The following CLTC variants were observed in gnomAD, a reference collection of about 807,000 sequenced individuals.
CLTC encodes the protein clathrin heavy chain.
Under a neutral mutation model 195.8 loss-of-function variants are expected in CLTC, and 16 were observed. The observed-to-expected ratio is 0.08, with a 90% confidence interval of 0.06 to 0.12. CLTC has a LOEUF of 0.12. Among genes scored for constraint, CLTC ranks in the 10% least tolerant of loss-of-function variants. The pLI is 1.00. For synonymous variants in CLTC, 667 were observed against 689.4 expected (o/e 0.97, Z 0.51); for missense variants, 796 against 2,027.0 (o/e 0.39, Z 11.66).
chr17:59,634,919 C>G (rs983241089), intron 1 of CLTC, among the ~76,000 whole-genome samples: 2 of 152,048 alleles, frequency 1.3e-5, no homozygotes, highest in South Asian at 4.1e-4. Flanking sequence ...CTTTTTTCAC[C>G]GCGACTGATA....
At chr17:59,650,483 CTTTTTTT>C (rs35425747) in intron 4 of CLTC, among the ~76,000 whole-genome samples, 11 of 116,850 alleles carry the variant, frequency 9.4e-5, no homozygotes, top group South Asian at 3.2e-4. Context: ...ATTCAGATGA[CTTTTTTT>C]TTTTTTTTTT....
At position 59,690,957 on chromosome 17, in the gene CLTC, A is replaced by G. The variant is rs189140370; in HGVS notation, c.4903+246A>G. On this transcript the variant is annotated intron_variant, in intron 31 of 31. Transcript: ENST00000269122. ...TAAAATCATAACATGAATCTTTCCT[A>G]TCATCTGGTCCCTCACGCATTACCT... 3.2e-3 allele frequency: 1,253 copies of G among 394,466 alleles called. 12 individuals carry two copies. The highest frequency in any genetic ancestry group is 2.4e-3 in the Non-Finnish European group (538 of 221,458). The allele number at this position is 394,466 out of a possible 1,614,324, so 24.4% of individuals were successfully genotyped here.
Position 59,676,981 on chromosome 17 carries a change from G to A in CLTC, c.2589G>A (p.Glu863=). Residue 863 remains glutamate (E), a synonymous_variant, in exon 17 of 32, where the codon GAG becomes GAA. Transcript: ENST00000269122. ...NRLKLLLPWL[E]ARIHEGCEEP... ...TGAAACTGCTTCTGCCTTGGCTAGAGGCCAGAATTCATGAGGGCTGTGAGG... is the reference window on the plus strand; with the variant it reads ...TGAAACTGCTTCTGCCTTGGCTAGAAGCCAGAATTCATGAGGGCTGTGAGG... The A allele has an allele frequency of 6.2e-7, 1 of 1,614,042 alleles. No individual in the cohort carries two copies.
At chr17:59,651,394 A>T (rs954080132) in intron 5 of CLTC, 78 bp downstream of exon 5, 1 of 953,636 alleles carries the variant, frequency 1.0e-6, no homozygotes, top group African/African-American at 1.6e-5. Flanking sequence ...TTCATGGTAG[A>T]TATAATTTAA....
At position 59,685,867 on chromosome 17, in the gene CLTC, C is replaced by A; in HGVS notation, c.4827+59C>A. 1.6e-6 allele frequency: 2 copies of A among 1,253,698 alleles called. No individual in the cohort carries two copies. The highest frequency in any genetic ancestry group is 2.2e-6 in the Non-Finnish European group (2 of 901,956). The allele number at this position is 1,253,698 out of a possible 1,614,324, so 77.7% of individuals were successfully genotyped here. A position where few individuals can be genotyped will look rare whatever the true frequency, so the allele number is the denominator to read the frequency against. ...TTCCTTGCATGTAAAATTCTACATG[C>A]ACATTAATTTTTTTAAATGCTTTTT... On this transcript the variant is annotated intron_variant, in intron 30 of 31. Coordinates refer to ENST00000269122, the MANE Select transcript of CLTC (RefSeq NM_004859.4). This position sits in a 1 kb window ranked among gnomAD's most constrained non-coding sequence, Gnocchi z 5.0.
At chr17:59,684,992 G>A in intron 28 of CLTC, 64 bp from the exon 29 acceptor site, 5 of 1,321,388 alleles carry the variant, frequency 3.8e-6, no homozygotes, top group Non-Finnish European at 5.1e-6. Context: ...CTCATTGATT[G>A]AGAACGGAAT....
At chr17:59,690,845 G>T in intron 31 of CLTC, 134 bp downstream of exon 31, 1 of 547,362 alleles carries the variant, frequency 1.8e-6, no homozygotes, top group South Asian at 3.1e-5. Flanking sequence ...TCTACTGTCT[G>T]ATTTTTTTTC....
chr17:59,690,694 C>A lies in CLTC; in HGVS notation c.4886C>A (p.Thr1629Lys), dbSNP rs1360720754. The A allele has an allele frequency of 6.2e-7, 1 of 1,612,252 alleles. No individual in the cohort carries two copies. The highest frequency in any genetic ancestry group is 1.1e-5 in the South Asian group (1 of 90,920). Residue 1629 changes from threonine to lysine, a missense_variant, in exon 31 of 32, where the codon ACA (threonine) becomes AAA (lysine). Thr to Lys is a moderately conservative substitution (Grantham distance 78). Coordinates refer to ENST00000269122, the MANE Select transcript of CLTC (RefSeq NM_004859.4). ...AAAGAAGAAGAACAAGCTACAGAGA[C>A]ACAACCCATTGTTTATGGTAATCTC... is the stretch of plus-strand genomic sequence containing the variant. ...LRKEEEQATE[T>K]QPIVYGQPQL...
At chr17:59,679,587 T>C in intron 18 of CLTC, 68 bp downstream of exon 18, 2 of 1,415,586 alleles carry the variant, frequency 1.4e-6, no homozygotes, top group South Asian at 1.6e-5. Flanking sequence ...AATACAATCC[T>C]TTCCCTCATC....
chr17:59,693,652 A>C, intron 31 of CLTC, 76 bp from the exon 32 acceptor site: 1 of 1,475,724 alleles, frequency 6.8e-7, no homozygotes, highest in South Asian at 1.4e-5. Flanking sequence ...AGGAGATTGG[A>C]GTGTTCTAAA....
intron 1 of CLTC, among the ~76,000 whole-genome samples, chr17:59,642,451 T>C (rs2032065903): frequency 6.6e-6 from 1 of 152,186 alleles, no homozygotes; most frequent in African/African-American, 2.4e-5. Flanking sequence ...CATAACTTAC[T>C]GCTTTTAGGT....
intron 14 of CLTC, chr17:59,670,975 G>A (rs2032836218): frequency 6.6e-6 from 1 of 152,132 alleles, no homozygotes; most frequent in Non-Finnish European, 1.5e-5. Context: ...GTTACCTCAG[G>A]CAAGTTAATG....
chr17:59,623,728 G>A (rs910530764), intron 1 of CLTC, among the ~76,000 whole-genome samples: 1 of 151,992 alleles, frequency 6.6e-6, no homozygotes, highest in East Asian at 1.9e-4. Context: ...CATTGTTACC[G>A]TTGTGGCTTT....
At position 59,645,961 on chromosome 17, in the gene CLTC, A is replaced by G. The variant is rs943109239; in HGVS notation, c.251-1437A>G. 4 of 693,416 alleles carry G rather than the reference A, an allele frequency of 5.8e-6. No homozygotes were observed. The African/African-American group carries it at 5.8e-5, about 10-fold the overall frequency. The allele number at this position is 693,416 out of a possible 1,614,324, so 43.0% of individuals were successfully genotyped here. On this transcript the variant is annotated intron_variant, in intron 2 of 31. Coordinates refer to ENST00000269122, the MANE Select transcript of CLTC (RefSeq NM_004859.4). ...TTTAATTTTGCCAAAATTCTTTTCT[A>G]TTTTTAATGTTATTGTTATCTTATC...
At position 59,660,633 on chromosome 17, in the gene CLTC, T is replaced by C. The variant is rs766031609; in HGVS notation, c.1167+45T>C. The stretch of plus-strand genomic sequence containing the variant: ...AAGTTGTCATGACATTAATCCATTG[T>C]TAATATTCTGTTTCTTATATTACTA... On this transcript the variant is annotated intron_variant, in intron 7 of 31. Transcript: ENST00000269122. The C allele has an allele frequency of 8.3e-6, 13 of 1,571,184 alleles. No homozygotes were observed. In the East Asian group the frequency reaches 2.7e-4, roughly 32 times the overall value.
Position 59,683,778 on chromosome 17 carries a change from A to G in CLTC, c.4323+22A>G. ...CAAGGTAAAGTAATAATTTTAAACCAAAGCTTCATAGCAAGGAATTAGGAC... is the reference window on the plus strand; with the variant it reads ...CAAGGTAAAGTAATAATTTTAAACCGAAGCTTCATAGCAAGGAATTAGGAC... On this transcript the variant is annotated intron_variant, in intron 27 of 31. Coordinates refer to ENST00000269122, the MANE Select transcript of CLTC (RefSeq NM_004859.4). The surrounding 1 kb of genome is among the most constrained non-coding windows in gnomAD (Gnocchi z 6.1). The G allele has an allele frequency of 6.2e-7, 1 of 1,614,082 alleles. No individual in the cohort carries two copies. The highest frequency in any genetic ancestry group is 1.6e-4 in the Middle Eastern group (1 of 6,062).
intron 8 of CLTC, 127 bp downstream of exon 8, chr17:59,661,770 A>C: frequency 2.6e-6 from 2 of 755,502 alleles, no homozygotes; most frequent in Non-Finnish European, 4.3e-6. Context: ...AAAAACACAC[A>C]TTGCATAAGA....
chr17:59,672,654 TATTAAA>T (rs1294288613), intron 14 of CLTC, among the ~76,000 whole-genome samples: 1 of 152,198 alleles, frequency 6.6e-6, no homozygotes, highest in Non-Finnish European at 1.5e-5. Flanking sequence ...AGGATGGCTA[TATTAAA>T]ATTAAGATTT....
chr17:59,627,396 T>A (rs913636757), intron 1 of CLTC, among the ~76,000 whole-genome samples: 1 of 152,216 alleles, frequency 6.6e-6, no homozygotes, highest in South Asian at 2.1e-4. Context: ...ATTGTAGAGA[T>A]TGGGCAACTG....
Sources: gnomAD v4.1 joint callset for allele counts (sites outside exome capture counted in the v4.1 genomes callset) on GRCh38, gnomAD v4.1.1 for gene constraint, Gnocchi (gnomAD v3.1) non-coding constraint, MANE v1.5 for transcripts, NCBI Gene and HGNC (gene_info 2026-07-23, HGNC 2026-07-21) for gene names.